Variants in MBD5 observed in about 807,000 individuals in gnomAD.
MBD5 encodes the protein methyl-CpG-binding domain protein 5.
MBD5 carries 13 observed loss-of-function variants against 117.3 expected under a neutral mutation model. That is an observed-to-expected ratio of 0.11 (90% CI 0.07 to 0.18). MBD5 has a LOEUF of 0.18. Ranked by LOEUF, MBD5 falls within the 10% of genes least tolerant of loss-of-function variation. The probability of loss-of-function intolerance (pLI) is 1.00; values close to 1 mark genes in which losing one functional copy is unlikely to be tolerated. For missense variants in MBD5, 1,879 were observed against 2,093.8 expected (o/e 0.90, Z 2.00); for synonymous variants, 727 against 766.4 (o/e 0.95, Z 0.85).
chr2:148,311,011 CTGTT>C (rs1376539734), intron 3 of MBD5, among the ~76,000 whole-genome samples: 5 of 152,114 alleles, frequency 3.3e-5, no homozygotes, highest in Admixed American at 6.6e-5. Context: ...GTCTGAGAGA[CTGTT>C]TGTTATAATT....
intron 3 of MBD5, among the ~76,000 whole-genome samples, chr2:148,285,876 T>C (rs1460450234): frequency 6.6e-6 from 1 of 152,198 alleles, no homozygotes. Context: ...CATTACATTT[T>C]ATATACATTA....
At chr2:148,445,406 G>C (rs1232001221) in intron 4 of MBD5, among the ~76,000 whole-genome samples, 1 of 150,890 alleles carries the variant, frequency 6.6e-6, no homozygotes, top group Admixed American at 6.6e-5. Context: ...TTGTCCTTGC[G>C]ATAGTTTGCT....
chr2:148,197,907 G>A (rs954571740), intron 2 of MBD5, among the ~76,000 whole-genome samples: 5 of 143,522 alleles, frequency 3.5e-5, no homozygotes, highest in African/African-American at 1.0e-4. Context: ...TCCACCTCCC[G>A]GGTTCAAGCG....
intron 4 of MBD5, among the ~76,000 whole-genome samples, chr2:148,404,661 C>A (rs1705023931): frequency 6.6e-6 from 1 of 152,148 alleles, no homozygotes; most frequent in Non-Finnish European, 1.5e-5. Context: ...GGGATCACTT[C>A]ATTTGTTTAC....
At chr2:148,497,302 T>G (rs770287260) in intron 11 of MBD5, among the ~76,000 whole-genome samples, 20 of 152,102 alleles carry the variant, frequency 1.3e-4, no homozygotes, top group Non-Finnish European at 2.9e-4. Flanking sequence ...TTAAACAACT[T>G]AAGTTTTATC....
chr2:148,397,700 G>T (rs1273379792), intron 4 of MBD5, among the ~76,000 whole-genome samples: 2 of 151,720 alleles, frequency 1.3e-5, no homozygotes. Context: ...TGTGCACAAC[G>T]TGCAGGTTTG....
At chr2:148,236,267 A>G (rs531808599) in intron 3 of MBD5, among the ~76,000 whole-genome samples, 3 of 152,248 alleles carry the variant, frequency 2.0e-5, no homozygotes, top group East Asian at 3.9e-4. Flanking sequence ...TTGGTTTTCA[A>G]TTTACTTTGC....
intron 4 of MBD5, among the ~76,000 whole-genome samples, chr2:148,384,885 G>A (rs1704295135): frequency 1.3e-5 from 2 of 151,768 alleles, no homozygotes; most frequent in Middle Eastern, 3.4e-3. Flanking sequence ...TTAATAAATG[G>A]TGCTGGGAAA....
intron 13 of MBD5, chr2:148,512,403 G>C (rs1423691761): frequency 8.7e-6 from 2 of 228,868 alleles, no homozygotes; most frequent in Admixed American, 5.2e-5. Context: ...TATAATTTGT[G>C]ACCCTTCCTA....
At chr2:148,120,136 A>G (rs987325039) in intron 1 of MBD5, among the ~76,000 whole-genome samples, 3 of 151,878 alleles carry the variant, frequency 2.0e-5, no homozygotes, top group African/African-American at 7.3e-5. Context: ...CTGGTCTCAA[A>G]CTCCTGGGCC....
intron 3 of MBD5, among the ~76,000 whole-genome samples, chr2:148,309,610 C>T (rs190566711): frequency 9.3e-4 from 142 of 152,312 alleles, no homozygotes; most frequent in Non-Finnish European, 1.6e-3. Context: ...TTGACTTCCT[C>T]TCTTTCTATT....
chr2:148,363,821 A>G (rs1703615627), intron 4 of MBD5, among the ~76,000 whole-genome samples: 1 of 152,000 alleles, frequency 6.6e-6, no homozygotes, highest in African/African-American at 2.4e-5. Flanking sequence ...GAACAAACAA[A>G]CCCTCCAAGA....
At chr2:148,279,525 C>CT (rs1701192800) in intron 3 of MBD5, among the ~76,000 whole-genome samples, 1 of 152,172 alleles carries the variant, frequency 6.6e-6, no homozygotes, top group South Asian at 2.1e-4. Flanking sequence ...GTAATTAATG[C>CT]TTTACCAGCT....
chr2:148,151,698 A>T (rs1024424948), intron 1 of MBD5, among the ~76,000 whole-genome samples: 1 of 151,906 alleles, frequency 6.6e-6, no homozygotes, highest in Admixed American at 6.6e-5. Flanking sequence ...GAATTTATCC[A>T]TTTCTTCTAG....
intron 1 of MBD5, among the ~76,000 whole-genome samples, chr2:148,058,176 C>T (rs755175250): frequency 2.6e-4 from 40 of 152,068 alleles, no homozygotes; most frequent in Non-Finnish European, 5.5e-4. Context: ...TTACTTTCTT[C>T]TTATAATACG....
At chr2:148,290,300 G>C (rs900919411) in intron 3 of MBD5, among the ~76,000 whole-genome samples, 1 of 151,388 alleles carries the variant, frequency 6.6e-6, no homozygotes, top group African/African-American at 2.4e-5. Context: ...AAAGTAAGCT[G>C]CTTTTTTTAA....
chr2:148,342,078 T>C (rs1203749667), intron 3 of MBD5, 136 bp from the exon 4 acceptor site: 1 of 152,122 alleles, frequency 6.6e-6, no homozygotes, highest in Non-Finnish European at 1.5e-5. Flanking sequence ...ATGAAGATAC[T>C]AATACCTTGA....
intron 3 of MBD5, among the ~76,000 whole-genome samples, chr2:148,339,815 A>G (rs1051576626): frequency 6.6e-6 from 1 of 152,180 alleles, no homozygotes; most frequent in South Asian, 2.1e-4. Flanking sequence ...TACTAGTGTT[A>G]ATCTATATAA....
chr2:148,489,204 T>A (rs1285590971), intron 10 of MBD5, among the ~76,000 whole-genome samples, 182 bp from the exon 11 acceptor site: 1 of 152,258 alleles, frequency 6.6e-6, no homozygotes, highest in Non-Finnish European at 1.5e-5. Flanking sequence ...GCAAATATAA[T>A]CAAGACATAA....
Sources: allele counts gnomAD v4.1 joint callset (sites outside exome capture counted in the v4.1 genomes callset), GRCh38; gene constraint gnomAD v4.1.1; transcripts MANE v1.5; gene names NCBI Gene and HGNC (gene_info 2026-07-23, HGNC 2026-07-21).